The following ROBO1 variants were observed in gnomAD, a reference collection of about 807,000 sequenced individuals.
ROBO1 encodes the protein roundabout homolog 1.
Under a neutral mutation model 195.9 loss-of-function variants are expected in ROBO1, and 149 were observed. The observed-to-expected ratio is 0.76, with a 90% CI of 0.67 to 0.87. ROBO1 has a LOEUF of 0.87. Ranked by LOEUF, ROBO1 falls within the 40% of genes least tolerant of loss-of-function variation. ROBO1 has a pLI of 0.00. For synonymous variants in ROBO1, 816 were observed against 733.2 expected, an observed-to-expected ratio of 1.11 and a Z score of -1.82; for missense variants, 1,933 against 2,068.3, an observed-to-expected ratio of 0.93 and a Z score of 1.27.
intron 4 of ROBO1, among the ~76,000 whole-genome samples, chr3:78,844,328 C>T (rs751540710): frequency 2.0e-5 from 3 of 152,046 alleles, no homozygotes; most frequent in Non-Finnish European, 2.9e-5. Context: ...CTGACCTTTA[C>T]CTGTCTGCAA....
At chr3:78,848,560 A>G (rs1338938460) in intron 4 of ROBO1, among the ~76,000 whole-genome samples, 1 of 152,118 alleles carries the variant, frequency 6.6e-6, no homozygotes, top group African/African-American at 2.4e-5. Flanking sequence ...CAGACCTTAG[A>G]GAAGGGAGGG....
At chr3:79,171,857 A>G (rs1428727713) in intron 2 of ROBO1, among the ~76,000 whole-genome samples, 1 of 152,114 alleles carries the variant, frequency 6.6e-6, no homozygotes, top group East Asian at 1.9e-4. Flanking sequence ...TAACATTATT[A>G]CTTATAAGTT....
chr3:78,706,708 T>C (rs2081561024), intron 8 of ROBO1, among the ~76,000 whole-genome samples: 1 of 152,030 alleles, frequency 6.6e-6, no homozygotes, highest in Admixed American at 6.6e-5. Flanking sequence ...GCAAGGAACC[T>C]GGTTAGAAGT....
intron 2 of ROBO1, among the ~76,000 whole-genome samples, chr3:79,542,690 TGTGATAACTGAGATTTAAA>T (rs976917445): frequency 5.8e-4 from 88 of 152,174 alleles, no homozygotes; most frequent in African/African-American, 2.1e-3. Context: ...ATTTAATGAA[TGTGATAACTGAGATTTAAA>T]GTGATTGAGT....
chr3:79,650,504 T>C (rs1330159582), intron 1 of ROBO1, among the ~76,000 whole-genome samples: 1 of 151,752 alleles, frequency 6.6e-6, no homozygotes, highest in Non-Finnish European at 1.5e-5. Flanking sequence ...GATGGTAAAA[T>C]ACATAATTCT....
chr3:79,330,312 AAAATAAATAAAT>A (rs202119973), intron 2 of ROBO1, among the ~76,000 whole-genome samples: 7,614 of 147,410 alleles, frequency 0.052, 301 homozygotes, highest in South Asian at 0.1. Context: ...ATTTCCTCAA[AAAATAAATAAAT>A]AAATAAATAA....
intron 3 of ROBO1, among the ~76,000 whole-genome samples, chr3:78,994,351 C>G (rs2077310098): frequency 6.6e-6 from 1 of 152,136 alleles, no homozygotes; most frequent in South Asian, 2.1e-4. Flanking sequence ...GAAGCTGGAG[C>G]TATTAAAAAC....
intron 3 of ROBO1, among the ~76,000 whole-genome samples, chr3:79,012,401 T>C (rs1406798441): frequency 6.6e-6 from 1 of 152,210 alleles, no homozygotes; most frequent in African/African-American, 2.4e-5. Context: ...TAAGCCCAGA[T>C]AGACTATTTA....
At chr3:79,128,152 A>G (rs2080252219) in intron 2 of ROBO1, among the ~76,000 whole-genome samples, 1 of 152,202 alleles carries the variant, frequency 6.6e-6, no homozygotes, top group Admixed American at 6.5e-5. Flanking sequence ...ATGGACTAGA[A>G]GATAGCAAGG....
chr3:79,525,297 A>G (rs1325590498), intron 2 of ROBO1, among the ~76,000 whole-genome samples: 1 of 149,858 alleles, frequency 6.7e-6, no homozygotes, highest in Non-Finnish European at 1.5e-5. Context: ...TATGTAATAC[A>G]TATATCTAAT....
intron 3 of ROBO1, among the ~76,000 whole-genome samples, chr3:79,047,078 A>T (rs1480425970): frequency 6.6e-6 from 1 of 152,148 alleles, no homozygotes; most frequent in Non-Finnish European, 1.5e-5. Flanking sequence ...AATGGAAGAC[A>T]CATAAATTGC....
At chr3:78,988,148 G>C (rs2077155419) in intron 3 of ROBO1, among the ~76,000 whole-genome samples, 1 of 152,062 alleles carries the variant, frequency 6.6e-6, no homozygotes, top group Non-Finnish European at 1.5e-5. Context: ...CTATCCAAAT[G>C]TCATTTTCAC....
At chr3:79,763,542 C>A (rs1377471694) in intron 1 of ROBO1, among the ~76,000 whole-genome samples, 2 of 152,040 alleles carry the variant, frequency 1.3e-5, no homozygotes, top group African/African-American at 4.8e-5. Context: ...GATAATTTTG[C>A]AGATTAGAGA....
chr3:79,566,112 G>T (rs1333862444), intron 2 of ROBO1, among the ~76,000 whole-genome samples: 7 of 152,014 alleles, frequency 4.6e-5, no homozygotes, highest in African/African-American at 1.7e-4. Flanking sequence ...GCACTATTTG[G>T]CTTTGAATTT....
At chr3:79,126,581 TC>T (rs1267546998) in intron 2 of ROBO1, among the ~76,000 whole-genome samples, 5 of 152,188 alleles carry the variant, frequency 3.3e-5, no homozygotes, top group Non-Finnish European at 7.3e-5. Context: ...AGAGTGTACC[TC>T]CTAAATCGAA....
At chr3:78,682,355 A>T (rs1008273716) in intron 10 of ROBO1, among the ~76,000 whole-genome samples, 9 of 151,306 alleles carry the variant, frequency 5.9e-5, no homozygotes, top group Admixed American at 3.3e-4. Context: ...TGCACCTGAC[A>T]CACTTTGTAC....
intron 3 of ROBO1, among the ~76,000 whole-genome samples, chr3:79,072,197 C>T (rs903046277): frequency 2.0e-5 from 3 of 151,782 alleles, no homozygotes; most frequent in Admixed American, 6.6e-5. Context: ...TGGGGATACA[C>T]AGAGTAAGCC....
At chr3:79,333,228 G>T (rs11709210) in intron 2 of ROBO1, among the ~76,000 whole-genome samples, 2 of 148,528 alleles carry the variant, frequency 1.3e-5, no homozygotes, top group South Asian at 2.1e-4. Context: ...AAACAGAAAA[G>T]AAAAAAATCA....
At chr3:78,654,425 T>C (rs750159584) in intron 18 of ROBO1, among the ~76,000 whole-genome samples, 3 of 152,240 alleles carry the variant, frequency 2.0e-5, no homozygotes, top group Non-Finnish European at 2.9e-5. Context: ...ACTCTTTTAT[T>C]ACCTCTGGTT....
Sources: gnomAD v4.1 joint callset for allele counts (sites outside exome capture counted in the v4.1 genomes callset) on GRCh38, gnomAD v4.1.1 for gene constraint, MANE v1.5 for transcripts, NCBI Gene and HGNC (gene_info 2026-07-23, HGNC 2026-07-21) for gene names.